The following NDUFA10 variants were observed in gnomAD, a reference collection of about 807,000 sequenced individuals.
NDUFA10 encodes the protein NADH dehydrogenase [ubiquinone] 1 alpha subcomplex subunit 10, mitochondrial.
In NDUFA10, 40 loss-of-function variants were observed where a neutral mutation model predicts 47.8. The observed-to-expected ratio is 0.84, with a 90% CI of 0.65 to 1.09. The LOEUF (loss-of-function observed/expected upper bound fraction) is 1.09, where lower values mean the gene tolerates loss of function less well. NDUFA10 is among the 50% of genes least tolerant of loss of function. The pLI, the probability that NDUFA10 is intolerant of heterozygous loss-of-function variation, is 0.00. For synonymous variants in NDUFA10, 183 were observed against 172.2 expected (o/e 1.06, Z -0.49); for missense variants, 413 against 451.1 (o/e 0.92, Z 0.76).
intron 4 of NDUFA10, among the ~76,000 whole-genome samples, chr2:239,904,221 G>A (rs12618573): frequency 0.51 from 76,929 of 151,930 alleles, 19,877 homozygotes; most frequent in Admixed American, 0.66. Flanking sequence ...CTGAAACTTC[G>A]CCCCGTACCC....
intron 9 of NDUFA10, among the ~76,000 whole-genome samples, chr2:239,972,174 T>C (rs568829279): frequency 1.4e-3 from 208 of 151,964 alleles, no homozygotes; most frequent in African/African-American, 4.8e-3. Flanking sequence ...TGTGTGTACA[T>C]GTATACATAT....
intron 9 of NDUFA10, chr2:239,982,085 T>G: frequency 1.9e-6 from 3 of 1,611,806 alleles, no homozygotes; most frequent in Non-Finnish European, 2.5e-6. Context: ...TTTGCTCCCC[T>G]GCAGCAAACC....
At chr2:239,996,052 G>A (rs566637661) in intron 8 of NDUFA10, among the ~76,000 whole-genome samples, 63 of 152,210 alleles carry the variant, frequency 4.1e-4, no homozygotes, top group East Asian at 1.5e-3. Context: ...TAAGGAGACC[G>A]ATGACCCCAA....
At chr2:239,956,870 C>G (rs987261744), downstream of NDUFA10, among the ~76,000 whole-genome samples, 1 of 152,212 alleles carries the variant, frequency 6.6e-6, no homozygotes, top group Non-Finnish European at 1.5e-5. Context: ...CCTGCCCCAG[C>G]CAGCTCAGCT....
intron 4 of NDUFA10, among the ~76,000 whole-genome samples, chr2:239,898,109 GA>G (rs1693432543): frequency 6.6e-6 from 1 of 152,198 alleles, no homozygotes; most frequent in African/African-American, 2.4e-5. Context: ...ATGGAGCAAG[GA>G]CTGTTCAGAA....
chr2:239,930,847 C>T (rs1358655816), intron 4 of NDUFA10, among the ~76,000 whole-genome samples: 4 of 102,406 alleles, frequency 3.9e-5, no homozygotes, highest in South Asian at 3.7e-4. Context: ...TCCTGGTGGA[C>T]GGGTACAGCA....
At chr2:239,982,098 T>C in intron 9 of NDUFA10, 1 of 1,612,474 alleles carries the variant, frequency 6.2e-7, no homozygotes, top group Non-Finnish European at 8.5e-7. Flanking sequence ...AGCAAACCAG[T>C]GACCTGACAC....
rs148032078 is a variant in NDUFA10 at position 239,923,215 on chromosome 2, T to C, written c.295-27901A>G. ...GAAATAGACAAATCCACAAATAAAC[T>C]TGTAGACTTCAATACCCTTCTCTCA... On this transcript the variant is annotated intron_variant, in intron 4 of 5. Transcript: ENST00000419408. Among the ~76,000 whole-genome samples the C allele has an allele frequency of 9.9e-3, 1,503 of 152,292 alleles. 14 individuals carry two copies. Among genetic ancestry groups the C allele is most frequent in the Middle Eastern group, 0.061 (18 of 294 alleles).
intron 8 of NDUFA10, among the ~76,000 whole-genome samples, chr2:239,997,231 G>A (rs1696516756): frequency 1.3e-5 from 2 of 151,922 alleles, no homozygotes; most frequent in South Asian, 2.1e-4. Context: ...CCTAAAGAAA[G>A]CAGAGAAAAA....
chr2:239,916,385 C>T (rs1237035050), intron 4 of NDUFA10, among the ~76,000 whole-genome samples: 1 of 151,774 alleles, frequency 6.6e-6, no homozygotes, highest in African/African-American at 2.4e-5. Context: ...TACACACACA[C>T]ATTGACACAC....
chr2:239,960,520 T>G lies in NDUFA10; in HGVS notation c.*598A>C, dbSNP rs1310663287. ...TAAAACATATTGTTCTGTAAATCTG[T>G]GGTAATTTTCTCCTTTTGCTATTTC... On this transcript the variant is annotated 3_prime_UTR_variant, in exon 10 of 10. Coordinates refer to ENST00000252711, the MANE Select transcript of NDUFA10 (RefSeq NM_004544.4). 3.0e-6 allele frequency: 3 copies of G among 999,620 alleles called. No individual in the cohort carries two copies. The South Asian group carries it at 1.3e-4, about 43-fold the overall frequency. The allele number at this position is 999,620 out of a possible 1,614,324, so 61.9% of individuals were successfully genotyped here. A position where few individuals can be genotyped will look rare whatever the true frequency, so the allele number is the denominator to read the frequency against.
chr2:239,907,097 C>T lies in NDUFA10; in HGVS notation c.295-11783G>A, dbSNP rs546371932. Among the ~76,000 whole-genome samples the T allele has an allele frequency of 2.6e-5, 4 of 152,212 alleles. No homozygotes were observed. In the East Asian group the frequency reaches 7.7e-4, roughly 29 times the overall value. ...TGGAACAGATTAGAGCCCTCAGAAA[C>T]AATACCACACATCTACAACCATCCG... On this transcript the variant is annotated intron_variant, in intron 4 of 5. Transcript: ENST00000419408.
chr2:240,018,681 T>C (rs749985124), intron 3 of NDUFA10, 42 bp from the exon 4 acceptor site: 21 of 1,596,790 alleles, frequency 1.3e-5, no homozygotes, highest in Admixed American at 1.7e-5. Context: ...ATCAGACAGA[T>C]AGCAAAGCAC....
At chr2:239,996,051 C>T (rs773248523) in intron 8 of NDUFA10, among the ~76,000 whole-genome samples, 5 of 152,048 alleles carry the variant, frequency 3.3e-5, no homozygotes, top group Non-Finnish European at 4.4e-5. Context: ...GTAAGGAGAC[C>T]GATGACCCCA....
At chr2:239,896,589 C>T (rs192133435) in intron 4 of NDUFA10, among the ~76,000 whole-genome samples, 1 of 152,236 alleles carries the variant, frequency 6.6e-6, no homozygotes, top group Non-Finnish European at 1.5e-5. Flanking sequence ...GAAATGCCAA[C>T]TTGTTTGGCT....
At chr2:240,009,790 TATTA>T (rs1156560219) in intron 6 of NDUFA10, among the ~76,000 whole-genome samples, 2 of 152,360 alleles carry the variant, frequency 1.3e-5, no homozygotes, top group East Asian at 3.9e-4. Flanking sequence ...TTTTACTGTT[TATTA>T]ATTATCTATG....
chr2:239,980,634 CA>C (rs903954060), intron 9 of NDUFA10, among the ~76,000 whole-genome samples: 4 of 152,198 alleles, frequency 2.6e-5, no homozygotes, highest in African/African-American at 4.8e-5. Context: ...CCATTTCTAG[CA>C]AAACAGCAGC....
intron 4 of NDUFA10, among the ~76,000 whole-genome samples, chr2:239,921,599 G>A (rs1192888199): frequency 2.6e-5 from 4 of 152,152 alleles, no homozygotes; most frequent in South Asian, 4.1e-4. Flanking sequence ...CTAGCTACAG[G>A]GCACTGATTG....
intron 9 of NDUFA10, among the ~76,000 whole-genome samples, chr2:239,984,865 T>C (rs910160290): frequency 6.6e-6 from 1 of 152,078 alleles, no homozygotes; most frequent in Non-Finnish European, 1.5e-5. Context: ...GCAGCAGGAG[T>C]GCACTGTGGG....
Sources: gnomAD v4.1 joint callset for allele counts (sites outside exome capture counted in the v4.1 genomes callset) on GRCh38, gnomAD v4.1.1 for gene constraint, MANE v1.5 for transcripts, NCBI Gene and HGNC (gene_info 2026-07-23, HGNC 2026-07-21) for gene names.